COL17A1: variants seen among roughly 807,000 people sequenced by gnomAD.
COL17A1 encodes collagen type XVII alpha 1 chain, also known as collagen alpha-1(XVII) chain.
Under a neutral mutation model 218.4 loss-of-function variants are expected in COL17A1, and 181 were observed. The observed-to-expected ratio is 0.83, with a 90% CI of 0.73 to 0.94. The LOEUF (loss-of-function observed/expected upper bound fraction) is 0.94. Among genes scored for constraint, COL17A1 ranks in the 40% least tolerant of loss-of-function variants. COL17A1 has a pLI of 0.00. For missense variants in COL17A1, 1,924 were observed against 1,945.9 expected, an observed-to-expected ratio of 0.99 and a Z score of 0.21; for synonymous variants, 721 against 731.0, an observed-to-expected ratio of 0.99 and a Z score of 0.22.
chr10:104,076,941 C>G (rs2086716103), intron 4 of COL17A1, among the ~76,000 whole-genome samples: 1 of 152,108 alleles, frequency 6.6e-6, no homozygotes, highest in African/African-American at 2.4e-5. Context: ...GGATGCTTGC[C>G]CAGTGGAATC....
Position 104,036,567 on chromosome 10 carries a change from C to T in COL17A1, c.3343G>A (p.Gly1115Arg). The stretch of plus-strand genomic sequence containing the variant: ...AGGAGGGACCCATCTCCACTGGCTC[C>T]TGGTGGCCCTGGCGGACCCCGAGGG... The part of the protein sequence containing the change: ...MGPRGPPGPP[G>R]ASGDGSLLSL... The change falls in exon 48 of 56, where the codon GGA becomes AGA. Residue 1115 changes from glycine (G) to arginine (R), a missense_variant. By Grantham distance (125) the Gly-to-Arg change is moderately radical. Transcript: ENST00000648076. 6.2e-7 allele frequency: 1 copy of T among 1,614,034 alleles called. No individual in the cohort carries two copies. The highest frequency in any genetic ancestry group is 8.5e-7 in the Non-Finnish European group (1 of 1,179,958).
Position 104,060,188 on chromosome 10 carries a change from T to G in COL17A1, c.1072A>C (p.Met358Leu). Residue 358 changes from methionine (M) to leucine (L), a missense_variant, in exon 14 of 56, where the codon ATG becomes CTG. By Grantham distance (15) the Met-to-Leu change is conservative. Coordinates refer to ENST00000648076, the MANE Select transcript of COL17A1 (RefSeq NM_000494.4). ...TCCTTGGTCATGATGAGCAGCTCCATCTCCTTCTTGGCAGGTGTGTTGTCT... is the reference window on the plus strand; with the variant it reads ...TCCTTGGTCATGATGAGCAGCTCCAGCTCCTTCTTGGCAGGTGTGTTGTCT... ...EKDNTPAKKE[M>L]ELLIMTKDSG... 1 of 1,614,124 alleles carries G rather than the reference T, an allele frequency of 6.2e-7. No individual in the cohort carries two copies. The highest frequency in any genetic ancestry group is 8.5e-7 in the Non-Finnish European group (1 of 1,180,012).
rs1463173347 is a variant in COL17A1, at chr10:104,052,194, G to A, written c.1963C>T (p.His655Tyr). 37 of 1,614,040 alleles carry A rather than the reference G, an allele frequency of 2.3e-5. No homozygotes were observed. The highest frequency in any genetic ancestry group is 2.9e-5 in the Non-Finnish European group (34 of 1,180,004). ...GAACCTGGGACACCAGGTGGGCCAT[G>A]AGGACCTGGTTCACCAGCAGCCCCT... ...ERGAAGEPGP[H>Y]GPPGVPGSVG... The change falls in exon 24 of 56, where the codon CAT becomes TAT. Residue 655 changes from histidine to tyrosine, a missense_variant. Coordinates refer to ENST00000648076, the MANE Select transcript of COL17A1 (RefSeq NM_000494.4).
intron 1 of COL17A1, among the ~76,000 whole-genome samples, chr10:104,081,474 C>T (rs190942660): frequency 9.3e-4 from 142 of 152,236 alleles, no homozygotes; most frequent in African/African-American, 3.1e-3. Flanking sequence ...TGTTGCCAAA[C>T]GGTGGTGGGG....
intron 10 of COL17A1, 98 bp downstream of exon 10, chr10:104,064,340 G>T: frequency 6.3e-7 from 1 of 1,586,560 alleles, no homozygotes; most frequent in Non-Finnish European, 8.6e-7. Context: ...TCTCCAGGAG[G>T]CCCTGAGGAT....
rs148374935 is a variant in COL17A1 at position 104,055,901 on chromosome 10, C to T, written c.1568G>A (p.Arg523His). 4.8e-5 allele frequency: 78 copies of T among 1,614,172 alleles called. No individual in the cohort carries two copies. Among genetic ancestry groups the T allele is most frequent in the Middle Eastern group, 3.3e-4 (2 of 6,062 alleles). ...GDSMDRIEKDRLQGMAPAAGA... is the reference protein window; with the variant it reads ...GDSMDRIEKDHLQGMAPAAGA... Reference sequence around the variant, plus strand: ...CGCCGCGGGTGCCATGCCCTGGAGGCGGTCCTTTTCTATTCTATCCATGCT... The same window carrying T: ...CGCCGCGGGTGCCATGCCCTGGAGGTGGTCCTTTTCTATTCTATCCATGCT... Residue 523 changes from arginine (R) to histidine (H), a missense_variant, in exon 18 of 56, where the codon CGC becomes CAC. Transcript: ENST00000648076.
In COL17A1 at chr10:104,073,264, C is replaced by T; in HGVS notation, c.380-19G>A. 2 of 1,611,920 alleles carry T rather than the reference C, an allele frequency of 1.2e-6. No individual in the cohort carries two copies. The highest frequency in any genetic ancestry group is 1.7e-6 in the Non-Finnish European group (2 of 1,178,278). On this transcript the variant is annotated intron_variant, in intron 6 of 55. Coordinates refer to ENST00000648076, the MANE Select transcript of COL17A1 (RefSeq NM_000494.4). ...GAAGATGCTGAGAAACAAAGAAATGCATTTTTAGGCATATATAAGAGGTGG... is the reference window on the plus strand; with the variant it reads ...GAAGATGCTGAGAAACAAAGAAATGTATTTTTAGGCATATATAAGAGGTGG...
chr10:104,038,843 C>T lies in COL17A1; in HGVS notation c.2947+228G>A, dbSNP rs112398479. 0.021 allele frequency among the ~76,000 whole-genome samples: 3,186 copies of T among 152,268 alleles called. 115 individuals carry two copies. Among genetic ancestry groups the T allele is most frequent in the African/African-American group, 0.072 (3,007 of 41,528 alleles). ...CTGGGTCTGTCTGTTCTCCATCATGCGGTGTCTGCATTGTTAGGTATCATT... is the reference window on the plus strand; with the variant it reads ...CTGGGTCTGTCTGTTCTCCATCATGTGGTGTCTGCATTGTTAGGTATCATT... On this transcript the variant is annotated intron_variant, in intron 44 of 55. Coordinates refer to ENST00000648076, the MANE Select transcript of COL17A1 (RefSeq NM_000494.4).
intron 9 of COL17A1, 71 bp downstream of exon 9, chr10:104,070,355 G>A: frequency 1.2e-6 from 2 of 1,604,168 alleles, no homozygotes; most frequent in South Asian, 2.2e-5. Context: ...GGGTCTCTGA[G>A]TCCACTCTTT....
At chr10:104,077,332 T>G (rs2086719264) in intron 4 of COL17A1, 90 bp downstream of exon 4, 1 of 965,750 alleles carries the variant, frequency 1.0e-6, no homozygotes. Context: ...TTCAAAATTG[T>G]GTCTGCCCTG....
At chr10:104,040,305 A>G in intron 40 of COL17A1, 46 bp downstream of exon 40, 1 of 1,350,516 alleles carries the variant, frequency 7.4e-7, no homozygotes, top group Non-Finnish European at 1.1e-6. Flanking sequence ...GCAGGTAAAC[A>G]GAGGACACAT....
intron 16 of COL17A1, among the ~76,000 whole-genome samples, chr10:104,057,437 G>GAAAAAAAAA (rs2086541069): frequency 9.5e-5 from 1 of 10,474 alleles, no homozygotes; most frequent in Non-Finnish European, 6.0e-3. Context: ...ATAACATGGG[G>GAAAAAAAAA]TTAAAAGATT....
At chr10:104,049,619 C>A in intron 28 of COL17A1, 148 bp from the exon 29 acceptor site, 4 of 782,294 alleles carry the variant, frequency 5.1e-6, no homozygotes, top group Non-Finnish European at 8.8e-6. Flanking sequence ...TGGGAAGTGG[C>A]ATGGGCTCAA....
Position 104,064,709 on chromosome 10 carries a change from AC to A in COL17A1, c.608-114del, listed in dbSNP as rs1589572713. ...TCCTGGTTTGGGCATTGAAAGCCCC[AC>A]ATTTCAGGAACTTTCTCAGTCCAGG... On this transcript the variant is annotated intron_variant, in intron 9 of 55. Transcript: ENST00000648076. 5 of 995,730 alleles carry A rather than the reference AC, an allele frequency of 5.0e-6. No individual in the cohort carries two copies. In the East Asian group the frequency reaches 1.3e-4, roughly 26 times the overall value. The allele number at this position is 995,730 out of a possible 1,614,324, so 61.7% of individuals were successfully genotyped here. A position where few individuals can be genotyped will look rare whatever the true frequency, so the allele number is the denominator to read the frequency against.
At chr10:104,066,704 G>C (rs1363961973) in intron 9 of COL17A1, among the ~76,000 whole-genome samples, 1 of 152,190 alleles carries the variant, frequency 6.6e-6, no homozygotes, top group Non-Finnish European at 1.5e-5. Context: ...GAAGGCTGGA[G>C]GAAGAGGAAT....
intron 46 of COL17A1, 105 bp from the exon 47 acceptor site, chr10:104,037,218 G>T: frequency 9.8e-7 from 1 of 1,019,742 alleles, no homozygotes; most frequent in Non-Finnish European, 1.5e-6. Context: ...TTGTCTTTGG[G>T]GGAAGTGGAT....
rs746713485 is a variant in COL17A1, at chr10:104,064,565, A to T, written c.639T>A (p.Asp213Glu). Residue 213 changes from aspartate (D) to glutamate (E), a missense_variant, in exon 10 of 56, where the codon GAT becomes GAA. Coordinates refer to ENST00000648076, the MANE Select transcript of COL17A1 (RefSeq NM_000494.4). ...VSGTYDATIL[D>E]ANLPSHVWSS... ...ACCACACATGGGAGGGAAGGTTGGC[A>T]TCCAGGATCGTTGCATCGTAGGTGC... 1.2e-6 allele frequency: 2 copies of T among 1,613,990 alleles called. No homozygotes were observed. Among genetic ancestry groups the T allele is most frequent in the South Asian group, 1.1e-5 (1 of 91,036 alleles).
intron 13 of COL17A1, among the ~76,000 whole-genome samples, chr10:104,060,562 A>G (rs1191307582): frequency 6.6e-6 from 1 of 152,066 alleles, no homozygotes; most frequent in Non-Finnish European, 1.5e-5. Flanking sequence ...CCTGGAGATT[A>G]TAGGATCTTT....
chr10:104,046,226 G>A (rs529798004), intron 32 of COL17A1, among the ~76,000 whole-genome samples: 2 of 152,330 alleles, frequency 1.3e-5, no homozygotes, highest in East Asian at 1.9e-4. Flanking sequence ...CAACTGCTGG[G>A]GGGCTGCTGC....
Sources: allele counts gnomAD v4.1 joint callset (sites outside exome capture counted in the v4.1 genomes callset), GRCh38; gene constraint gnomAD v4.1.1; transcripts MANE v1.5; gene names NCBI Gene and HGNC (gene_info 2026-07-23, HGNC 2026-07-21).